The following INPP4B variants were observed in gnomAD, a reference collection of about 807,000 sequenced individuals.
INPP4B encodes inositol polyphosphate-4-phosphatase type II B.
Under a neutral mutation model 122.5 loss-of-function variants are expected in INPP4B, and 55 were observed. The observed-to-expected ratio is 0.45, with a 90% CI of 0.36 to 0.56. The LOEUF is 0.56. Among genes scored for constraint, INPP4B ranks in the 20% least tolerant of loss-of-function variants. The pLI is 0.00. For missense variants in INPP4B, 1,000 were observed against 1,097.7 expected (o/e 0.91, Z 1.26); for synonymous variants, 403 against 388.7 (o/e 1.04, Z -0.43).
chr4:142,805,019 C>G (rs937584268), intron 1 of INPP4B, among the ~76,000 whole-genome samples: 2 of 152,262 alleles, frequency 1.3e-5, no homozygotes, highest in Admixed American at 1.3e-4. Context: ...ATATTTCTTT[C>G]ACCTACAATA....
chr4:142,263,181 T>C (rs1341510705), intron 10 of INPP4B, among the ~76,000 whole-genome samples: 1 of 152,222 alleles, frequency 6.6e-6, no homozygotes, highest in African/African-American at 2.4e-5. Flanking sequence ...TCATCTCTGC[T>C]GCAGGCAAAG....
At chr4:142,589,953 A>C (rs948682739) in intron 2 of INPP4B, among the ~76,000 whole-genome samples, 3 of 152,198 alleles carry the variant, frequency 2.0e-5, no homozygotes, top group Non-Finnish European at 4.4e-5. Context: ...GCAATTAAAA[A>C]ATAAGCTGTT....
intron 24 of INPP4B, among the ~76,000 whole-genome samples, chr4:142,084,243 C>T (rs1410611958): frequency 6.6e-6 from 1 of 152,168 alleles, no homozygotes; most frequent in Non-Finnish European, 1.5e-5. Flanking sequence ...CCTGCTTCAG[C>T]CTCCTGAGTG....
intron 2 of INPP4B, among the ~76,000 whole-genome samples, chr4:142,495,513 A>AATAT (rs113453962): frequency 1.3e-5 from 2 of 150,276 alleles, no homozygotes; most frequent in South Asian, 4.2e-4. Flanking sequence ...ATAAATGGCA[A>AATAT]ATATATATAT....
At chr4:142,089,796 C>G (rs1449555483) in intron 23 of INPP4B, among the ~76,000 whole-genome samples, 1 of 152,112 alleles carries the variant, frequency 6.6e-6, no homozygotes, top group African/African-American at 2.4e-5. Context: ...TTCCAACACA[C>G]CACATTTATT....
intron 25 of INPP4B, among the ~76,000 whole-genome samples, chr4:142,073,988 G>A (rs1044076364): frequency 2.0e-5 from 3 of 151,894 alleles, no homozygotes; most frequent in Non-Finnish European, 4.4e-5. Context: ...CTAAAATGGA[G>A]CCCTGTCCCC....
intron 9 of INPP4B, among the ~76,000 whole-genome samples, chr4:142,300,378 T>C (rs1324677686): frequency 6.6e-6 from 1 of 152,158 alleles, no homozygotes; most frequent in African/African-American, 2.4e-5. Flanking sequence ...TGTGGAATTT[T>C]GTTGTTGTTG....
Position 142,356,721 on chromosome 4 carries a change from T to C in INPP4B, c.373-41959A>G, listed in dbSNP as rs558800009. 8.2e-4 allele frequency among the ~76,000 whole-genome samples: 124 copies of C among 152,018 alleles called. 1 individual carries two copies. The highest frequency in any genetic ancestry group is 2.9e-3 in the African/African-American group (119 of 41,492). ...TGGCCTCAGTTCCTGACATAGAGCT[T>C]CTAATTCCTTGGAACTTTTTGGGTG... On this transcript the variant is annotated intron_variant, in intron 7 of 25. Transcript: ENST00000262992.
rs570330539 is a variant in INPP4B at position 142,056,601 on chromosome 4, C to G, written c.2642+25430G>C. 3.9e-5 allele frequency among the ~76,000 whole-genome samples: 6 copies of G among 152,136 alleles called. No individual in the cohort carries two copies. The South Asian group carries it at 1.2e-3, about 31-fold the overall frequency. ...CCTCAAGGACTTTTGATTCCCAGAA[C>G]AACATAAGATTGAGGCCTCAGAAAG... is the stretch of plus-strand genomic sequence containing the variant. On this transcript the variant is annotated intron_variant, in intron 25 of 25. Transcript: ENST00000262992.
At chr4:142,240,967 T>G (rs1859061282) in intron 11 of INPP4B, among the ~76,000 whole-genome samples, 1 of 152,040 alleles carries the variant, frequency 6.6e-6, no homozygotes, top group Admixed American at 6.6e-5. Context: ...TATTGAACAA[T>G]GTGCCACAAA....
At chr4:142,256,209 G>A (rs367567809) in intron 11 of INPP4B, among the ~76,000 whole-genome samples, 1 of 151,054 alleles carries the variant, frequency 6.6e-6, no homozygotes, top group Non-Finnish European at 1.5e-5. Flanking sequence ...AAAGCAGTGT[G>A]TAGAGGGAAA....
At chr4:142,030,450 A>C in intron 25 of INPP4B, 1 of 704,620 alleles carries the variant, frequency 1.4e-6, no homozygotes, top group Non-Finnish European at 2.3e-6. Context: ...AAATTTCCCC[A>C]AATGCATCTT....
chr4:142,356,018 C>T (rs1022908069), intron 7 of INPP4B, among the ~76,000 whole-genome samples: 7 of 151,440 alleles, frequency 4.6e-5, no homozygotes, highest in Admixed American at 4.0e-4. Flanking sequence ...AAAATTAGAA[C>T]TATGTAGTTT....
rs1737572291 is a variant in INPP4B at position 142,028,021 on chromosome 4, T to A, written c.*761A>T. Reference sequence around the variant, plus strand: ...TGGGTATCAAAATGTTGTTCATTTTTATTTTATTTGTAATTTTAGATCATT... The same window carrying A: ...TGGGTATCAAAATGTTGTTCATTTTAATTTTATTTGTAATTTTAGATCATT... On this transcript the variant is annotated 3_prime_UTR_variant, in exon 26 of 26. Transcript: ENST00000262992. 4.8e-6 allele frequency: 1 copy of A among 209,406 alleles called. No homozygotes were observed. The highest frequency in any genetic ancestry group is 5.9e-5 in the Admixed American group (1 of 16,920). 13.0% of individuals were successfully genotyped at this position (209,406 alleles called of 1,614,324 possible). A position where few individuals can be genotyped will look rare whatever the true frequency, so the allele number is the denominator to read the frequency against.
At chr4:142,568,959 A>C (rs942237020) in intron 2 of INPP4B, among the ~76,000 whole-genome samples, 11 of 152,152 alleles carry the variant, frequency 7.2e-5, no homozygotes, top group Non-Finnish European at 1.3e-4. Flanking sequence ...TTCAAATGTA[A>C]CTGCTGAGAC....
chr4:142,240,584 T>G (rs1376503897), intron 11 of INPP4B, among the ~76,000 whole-genome samples: 3 of 152,150 alleles, frequency 2.0e-5, no homozygotes, highest in African/African-American at 7.2e-5. Flanking sequence ...CTATTTAACT[T>G]TTATGTTATG....
chr4:142,097,210 G>GTTTAT lies in INPP4B; in HGVS notation c.2374+10878_2374+10882dup, dbSNP rs1288382375. Among the ~76,000 whole-genome samples the GTTTAT allele has an allele frequency of 9.0e-5, 3 of 33,364 alleles. No individual in the cohort carries two copies. The South Asian group carries it at 8.3e-3, about 93-fold the overall frequency. The allele number at this position is 33,364 out of a possible 152,430, so 21.9% of individuals were successfully genotyped here. ...TAAAAGTCAGCCATGTCCATTTTTT[G>GTTTAT]TTTATTTTATGTTATTTTTATTTTA... On this transcript the variant is annotated intron_variant, in intron 23 of 25. Transcript: ENST00000262992.
intron 12 of INPP4B, among the ~76,000 whole-genome samples, chr4:142,233,795 T>G (rs1271928838): frequency 6.6e-6 from 1 of 151,880 alleles, no homozygotes; most frequent in African/African-American, 2.4e-5. Flanking sequence ...TATATTAATT[T>G]TATATCATAA....
chr4:142,120,465 C>G (rs1003175417), intron 21 of INPP4B, among the ~76,000 whole-genome samples: 6 of 152,208 alleles, frequency 3.9e-5, no homozygotes, highest in Admixed American at 3.3e-4. Flanking sequence ...TGAACACAGG[C>G]TGTCTCTCCA....
Sources: gnomAD v4.1 joint callset for allele counts (sites outside exome capture counted in the v4.1 genomes callset) on GRCh38, gnomAD v4.1.1 for gene constraint, MANE v1.5 for transcripts, NCBI Gene and HGNC (gene_info 2026-07-23, HGNC 2026-07-21) for gene names.